Variants in FAF1 observed in about 807,000 individuals in gnomAD.
The protein encoded by FAF1 is Fas associated factor 1, also known as FAS-associated factor 1.
In FAF1, 25 loss-of-function variants were observed where a neutral mutation model predicts 92.5. That is an observed-to-expected ratio of 0.27 (90% CI 0.20 to 0.38). The LOEUF (loss-of-function observed/expected upper bound fraction) is 0.38. Ranked by LOEUF, FAF1 falls within the 10% of genes least tolerant of loss-of-function variation. The pLI, the probability that FAF1 is intolerant of heterozygous loss-of-function variation, is 1.00. For missense variants in FAF1, 636 were observed against 793.3 expected, an observed-to-expected ratio of 0.80 and a Z score of 2.38; for synonymous variants, 234 against 273.2, an observed-to-expected ratio of 0.86 and a Z score of 1.42.
At chr1:50,696,295 A>AT (rs1443563976) in intron 7 of FAF1, among the ~76,000 whole-genome samples, 3 of 151,830 alleles carry the variant, frequency 2.0e-5, no homozygotes, top group African/African-American at 7.3e-5. Flanking sequence ...AACAGGCCTA[A>AT]TTTTCCTTTA....
intron 15 of FAF1, among the ~76,000 whole-genome samples, chr1:50,504,032 T>C (rs533572796): frequency 1.3e-5 from 2 of 152,370 alleles, no homozygotes; most frequent in East Asian, 1.9e-4. Flanking sequence ...GTGTGGTTTA[T>C]TGTATATCAA....
At chr1:50,700,368 G>T (rs1657416241) in intron 7 of FAF1, among the ~76,000 whole-genome samples, 1 of 152,000 alleles carries the variant, frequency 6.6e-6, no homozygotes, top group Admixed American at 6.6e-5. Flanking sequence ...CCCGGCCTTT[G>T]TAATTCTAGT....
chr1:50,867,401 C>T (rs944308911), intron 1 of FAF1, among the ~76,000 whole-genome samples: 1 of 152,074 alleles, frequency 6.6e-6, no homozygotes, highest in African/African-American at 2.4e-5. Flanking sequence ...AACTGACAAC[C>T]CACAGAGTGG....
At chr1:50,680,554 G>A (rs1442100789) in intron 7 of FAF1, among the ~76,000 whole-genome samples, 3 of 151,834 alleles carry the variant, frequency 2.0e-5, no homozygotes, top group Non-Finnish European at 4.4e-5. Context: ...GTGGTGGTGG[G>A]TGTCTGTAAT....
chr1:50,655,870 G>A (rs945783997), intron 7 of FAF1, among the ~76,000 whole-genome samples: 3 of 152,016 alleles, frequency 2.0e-5, no homozygotes, highest in South Asian at 2.1e-4. Flanking sequence ...TTATTTAATC[G>A]TAAAAATGCA....
In FAF1 at chr1:50,835,764, C is replaced by G. The variant is rs544824852; in HGVS notation, c.114+22165G>C. Among the ~76,000 whole-genome samples the G allele has an allele frequency of 1.1e-4, 17 of 152,152 alleles. 1 individual carries two copies. In the South Asian group the frequency reaches 3.5e-3, roughly 32 times the overall value. On this transcript the variant is annotated intron_variant, in intron 2 of 18. Coordinates refer to ENST00000396153, the MANE Select transcript of FAF1 (RefSeq NM_007051.3). ...TACTTGAAAAACATTACTTCTCTTC[C>G]CCATTTCTTCTCCCCCTAGAGCCAA...
rs1646143884 is a variant in FAF1, at chr1:50,438,352, TG to T, written c.*3087del. On this transcript the variant is annotated 3_prime_UTR_variant, in exon 19 of 19. Coordinates refer to ENST00000396153, the MANE Select transcript of FAF1 (RefSeq NM_007051.3). Reference sequence around the variant, plus strand: ...AAGAGAGGTTCAACTTGGAAGACACTGAAGTCTCTGGAATGTGTGTGTATGT... The same window carrying T: ...AAGAGAGGTTCAACTTGGAAGACACTAAGTCTCTGGAATGTGTGTGTATGT... 6.6e-6 allele frequency: 1 copy of T among 152,248 alleles called. No homozygotes were observed. Among genetic ancestry groups the T allele is most frequent in the Non-Finnish European group, 1.5e-5 (1 of 68,056 alleles). 9.4% of individuals were successfully genotyped at this position (152,248 alleles called of 1,614,324 possible). A position where few individuals can be genotyped will look rare whatever the true frequency, so the allele number is the denominator to read the frequency against.
At position 50,595,137 on chromosome 1, in the gene FAF1, C is replaced by T. The variant is rs552158967; in HGVS notation, c.840+984G>A. ...TGGCACAATCTCGGCTCACTACAAC[C>T]TCCACCTCTTGGGTTCAAGTGATTC... On this transcript the variant is annotated intron_variant, in intron 9 of 18. Coordinates refer to ENST00000396153, the MANE Select transcript of FAF1 (RefSeq NM_007051.3). 3.3e-5 allele frequency among the ~76,000 whole-genome samples: 5 copies of T among 152,082 alleles called. No individual in the cohort carries two copies. The South Asian group carries it at 1.0e-3, about 32-fold the overall frequency.
At chr1:50,589,535 T>C (rs961104999) in intron 9 of FAF1, among the ~76,000 whole-genome samples, 5 of 152,202 alleles carry the variant, frequency 3.3e-5, no homozygotes, top group Admixed American at 6.5e-5. Context: ...TGGGTTGTTA[T>C]ATTACTTAGT....
intron 6 of FAF1, among the ~76,000 whole-genome samples, chr1:50,725,261 G>A (rs1050133860): frequency 8.5e-5 from 13 of 152,086 alleles, no homozygotes; most frequent in Non-Finnish European, 1.6e-4. Context: ...CTGAGGCCCC[G>A]TGCAGACTTC....
At chr1:50,905,967 GA>G (rs1291648212) in intron 1 of FAF1, among the ~76,000 whole-genome samples, 11 of 152,166 alleles carry the variant, frequency 7.2e-5, no homozygotes, top group African/African-American at 2.7e-4. Context: ...CCTAAGTCCT[GA>G]ATGGTATTGC....
intron 4 of FAF1, among the ~76,000 whole-genome samples, chr1:50,775,803 A>G (rs1396473872): frequency 6.6e-6 from 1 of 152,184 alleles, no homozygotes; most frequent in African/African-American, 2.4e-5. Flanking sequence ...GAATTCACAA[A>G]ACTTTATTGA....
intron 17 of FAF1, among the ~76,000 whole-genome samples, chr1:50,478,084 G>T (rs1646659330): frequency 6.6e-6 from 1 of 151,900 alleles, no homozygotes; most frequent in African/African-American, 2.4e-5. Context: ...TTGCTTGTAA[G>T]TATAAACCTC....
At chr1:50,853,618 TG>T (rs1433373980) in intron 2 of FAF1, among the ~76,000 whole-genome samples, 1 of 152,088 alleles carries the variant, frequency 6.6e-6, no homozygotes, top group Non-Finnish European at 1.5e-5. Flanking sequence ...AAACGTAGTA[TG>T]GCTAGGTTAA....
intron 7 of FAF1, among the ~76,000 whole-genome samples, chr1:50,676,147 C>G (rs1383566702): frequency 6.6e-6 from 1 of 152,234 alleles, no homozygotes; most frequent in Non-Finnish European, 1.5e-5. Context: ...TGGCTCATGC[C>G]TGTAATCCCA....
chr1:50,796,992 C>T (rs59430062), intron 3 of FAF1, among the ~76,000 whole-genome samples: 10,099 of 152,108 alleles, frequency 0.066, 410 homozygotes, highest in East Asian at 0.094. Context: ...AAAAATTAGC[C>T]GGGCTTGGTG....
intron 7 of FAF1, among the ~76,000 whole-genome samples, chr1:50,692,292 TGG>T (rs1491563041): frequency 1.4e-5 from 2 of 139,428 alleles, no homozygotes; most frequent in Admixed American, 7.1e-5. Context: ...TGTGTGTGTG[TGG>T]TGGGAACATT....
At chr1:50,500,805 G>C (rs1646974421) in intron 15 of FAF1, among the ~76,000 whole-genome samples, 1 of 151,916 alleles carries the variant, frequency 6.6e-6, no homozygotes, top group Admixed American at 6.6e-5. Flanking sequence ...AAAAATCAAA[G>C]TTAAAAATTA....
Position 50,644,305 on chromosome 1 carries a change from G to A in FAF1, c.744+11137C>T, listed in dbSNP as rs115289319. ...GAATGCCCTGTGTATTCACTGAGGT[G>A]TCTCTACAATGTGTAGTTGGAAGAA... On this transcript the variant is annotated intron_variant, in intron 8 of 18. Transcript: ENST00000396153. 2.6e-3 allele frequency among the ~76,000 whole-genome samples: 393 copies of A among 152,352 alleles called. 1 individual carries two copies. Among genetic ancestry groups the A allele is most frequent in the African/African-American group, 9.2e-3 (381 of 41,586 alleles).
Sources: gnomAD v4.1 joint callset for allele counts (sites outside exome capture counted in the v4.1 genomes callset) on GRCh38, gnomAD v4.1.1 for gene constraint, MANE v1.5 for transcripts, NCBI Gene and HGNC (gene_info 2026-07-23, HGNC 2026-07-21) for gene names.